Variants in RAD21L1 observed in about 807,000 individuals in gnomAD.
RAD21L1 encodes the protein double-strand-break repair protein rad21-like protein 1.
A neutral mutation model predicts 69.0 loss-of-function variants in RAD21L1; 47 were observed. The ratio of observed to expected loss-of-function variants is 0.68; its 90% CI spans 0.54 to 0.87. RAD21L1 has a LOEUF of 0.87. Among genes scored for constraint, RAD21L1 ranks in the 40% least tolerant of loss-of-function variants. The probability of loss-of-function intolerance (pLI) is 0.00; values close to 1 mark genes in which losing one functional copy is unlikely to be tolerated. For missense variants in RAD21L1, 583 were observed against 647.6 expected (o/e 0.90, Z 1.08); for synonymous variants, 177 against 205.8 (o/e 0.86, Z 1.20).
intron 1 of RAD21L1, among the ~76,000 whole-genome samples, chr20:1,226,584 G>T (rs2087265767): frequency 6.6e-6 from 1 of 151,536 alleles, no homozygotes; most frequent in Non-Finnish European, 1.5e-5. Flanking sequence ...CAGGGTCCCC[G>T]CCCGGTCCCC....
chr20:1,230,809 T>A (rs1009607132), intron 3 of RAD21L1: 3 of 457,212 alleles, frequency 6.6e-6, no homozygotes, highest in African/African-American at 6.3e-5. Flanking sequence ...ATTATTTTTT[T>A]ACATATTCCA....
At chr20:1,248,856 C>CA (rs1373707446) in intron 13 of RAD21L1, among the ~76,000 whole-genome samples, 153 bp downstream of exon 13, 1 of 151,984 alleles carries the variant, frequency 6.6e-6, no homozygotes, top group Non-Finnish European at 1.5e-5. Context: ...GTAGTATACC[C>CA]AGGGCTAAAT....
In RAD21L1 at chr20:1,250,211, T is replaced by A. The variant is rs184618528; in HGVS notation, c.1479+1508T>A. On this transcript the variant is annotated intron_variant, in intron 13 of 13. Coordinates refer to ENST00000683101, the MANE Select transcript of RAD21L1 (RefSeq NM_001384355.1). ...CATCCTTTTTTATGGCTGCATAGTA[T>A]TCCATGGTGTATATGTGCCACATTT... is the stretch of plus-strand genomic sequence containing the variant. Among the ~76,000 whole-genome samples, 105 of 151,984 alleles carry A rather than the reference T, an allele frequency of 6.9e-4. 1 individual carries two copies. Among genetic ancestry groups the A allele is most frequent in the South Asian group, 2.5e-3 (12 of 4,798 alleles).
At chr20:1,240,188 T>TAAGAATTCAGATGTTCC in intron 7 of RAD21L1, 133 bp from the exon 8 acceptor site, 1 of 1,375,894 alleles carries the variant, frequency 7.3e-7, no homozygotes, top group Non-Finnish European at 9.4e-7. Flanking sequence ...TAAATGGTTC[T>TAAGAATTCAGATGTTCC]AAGAATTCAG....
chr20:1,241,288 A>G (rs2122834873), intron 8 of RAD21L1, among the ~76,000 whole-genome samples: 1 of 152,382 alleles, frequency 6.6e-6, no homozygotes, highest in Middle Eastern at 3.4e-3. Flanking sequence ...AATATAAGGC[A>G]GAATAAAAAG....
Position 1,234,144 on chromosome 20 carries a change from T to C in RAD21L1, c.428T>C (p.Leu143Pro), listed in dbSNP as rs1399182506. The C allele has an allele frequency of 3.2e-6, 5 of 1,545,654 alleles. No homozygotes were observed. The East Asian group carries it at 1.2e-4, about 38-fold the overall frequency. Residue 143 changes from leucine (L) to proline (P), a missense_variant, in exon 5 of 14, where the codon CTT (leucine) becomes CCT (proline). By Grantham distance (98) the Leu-to-Pro change is moderately conservative. Transcript: ENST00000683101. ...QNQSRPEEIT[L>P]RENFDNDLIF... is the part of the protein sequence containing the mutation. The stretch of plus-strand genomic sequence containing the variant: ...CAAAGCAGACCAGAAGAAATCACTC[T>C]TAGAGAAAATTTTGACAATGATCTA...
At chr20:1,251,060 T>C (rs1357607129) in intron 13 of RAD21L1, among the ~76,000 whole-genome samples, 1 of 152,192 alleles carries the variant, frequency 6.6e-6, no homozygotes, top group Non-Finnish European at 1.5e-5. Flanking sequence ...AATTTTTTAG[T>C]GGTTAACATC....
chr20:1,239,147 T>A (rs1239728272), intron 6 of RAD21L1, among the ~76,000 whole-genome samples, 165 bp from the exon 7 acceptor site: 1 of 152,162 alleles, frequency 6.6e-6, no homozygotes. Context: ...TTTTAAAGAT[T>A]ATTTATTGGC....
At position 1,242,476 on chromosome 20, in the gene RAD21L1, G is replaced by T. The variant is rs911860868; in HGVS notation, c.857-143G>T. ...TTGAACTCCTGGGCCCAAGCAATCC[G>T]CCCACCTCAGCCTCTTGAAGTGCTA... On this transcript the variant is annotated intron_variant, in intron 8 of 13. Coordinates refer to ENST00000683101, the MANE Select transcript of RAD21L1 (RefSeq NM_001384355.1). 26 of 650,378 alleles carry T rather than the reference G, an allele frequency of 4.0e-5. No homozygotes were observed. In the Admixed American group the frequency reaches 5.8e-4, roughly 15 times the overall value. The allele number at this position is 650,378 out of a possible 1,614,324, so 40.3% of individuals were successfully genotyped here. A position where few individuals can be genotyped will look rare whatever the true frequency, so the allele number is the denominator to read the frequency against.
chr20:1,248,526 A>G, intron 12 of RAD21L1, 100 bp from the exon 13 acceptor site: 1 of 598,556 alleles, frequency 1.7e-6, no homozygotes, highest in Middle Eastern at 4.4e-4. Flanking sequence ...GACCCATTGT[A>G]ATAATTGTGT....
chr20:1,234,067 CCTT>C lies in RAD21L1; in HGVS notation c.369-15_369-13del. ...TTTTCTGTTCTCATGTTTTTCTCAACCTTCTATTTCTCCATAGTGCTATTGATG... is the reference window on the plus strand; with the variant it reads ...TTTTCTGTTCTCATGTTTTTCTCAACCTATTTCTCCATAGTGCTATTGATG... On this transcript the variant is annotated splice_polypyrimidine_tract_variant and intron_variant, in intron 4 of 13. Transcript: ENST00000683101. 1 of 1,205,534 alleles carries C rather than the reference CCTT, an allele frequency of 8.3e-7. No individual in the cohort carries two copies. Among genetic ancestry groups the C allele is most frequent in the South Asian group, 1.4e-5 (1 of 70,674 alleles). The allele number at this position is 1,205,534 out of a possible 1,614,324, so 74.7% of individuals were successfully genotyped here. A position where few individuals can be genotyped will look rare whatever the true frequency, so the allele number is the denominator to read the frequency against.
At position 1,242,656 on chromosome 20, in the gene RAD21L1, G is replaced by T. The variant is rs1013267975; in HGVS notation, c.894G>T (p.Leu298Phe). ...AAAGGAAAGGCAAAAAGAGGAGATT[G>T]CTCATAGATCCTATCAAGGAGCTCA... ...AEKRKGKKRR[L>F]LIDPIKELSS... Residue 298 changes from leucine to phenylalanine, a missense_variant, in exon 9 of 14, where the codon TTG becomes TTT. Leu to Phe is a conservative substitution (Grantham distance 22). Coordinates refer to ENST00000683101, the MANE Select transcript of RAD21L1 (RefSeq NM_001384355.1). 3 of 1,551,402 alleles carry T rather than the reference G, an allele frequency of 1.9e-6. No individual in the cohort carries two copies. Among genetic ancestry groups the T allele is most frequent in the African/African-American group, 2.7e-5 (2 of 73,036 alleles).
intron 6 of RAD21L1, among the ~76,000 whole-genome samples, chr20:1,238,483 G>A (rs1370531750): frequency 3.3e-5 from 5 of 152,036 alleles, no homozygotes; most frequent in Non-Finnish European, 7.4e-5. Flanking sequence ...ATTTTTGGAG[G>A]GGAGAGAGTG....
At chr20:1,236,611 C>T (rs1200594763) in intron 5 of RAD21L1, among the ~76,000 whole-genome samples, 1 of 152,184 alleles carries the variant, frequency 6.6e-6, no homozygotes, top group Non-Finnish European at 1.5e-5. Flanking sequence ...TCCTGTGTGA[C>T]ACTGGGCAGA....
rs1253992091 is a variant in RAD21L1 at position 1,243,147 on chromosome 20, G to T, written c.1134G>T (p.Met378Ile). 3 of 1,539,542 alleles carry T rather than the reference G, an allele frequency of 1.9e-6. No individual in the cohort carries two copies. Among genetic ancestry groups the T allele is most frequent in the African/African-American group, 1.4e-5 (1 of 72,732 alleles). Residue 378 changes from methionine to isoleucine, a missense_variant, in exon 10 of 14, where the codon ATG (methionine) becomes ATT (isoleucine). Met to Ile is a conservative substitution (Grantham distance 10). Transcript: ENST00000683101. ...LSSGFKLGRKMIQKESVREEV... is the reference protein window; with the variant it reads ...LSSGFKLGRKIIQKESVREEV... The stretch of plus-strand genomic sequence containing the variant: ...CTGGCTTTAAACTTGGAAGAAAAAT[G>T]ATACAGAAGGAGTCAGTAAGGGAAG...
intron 5 of RAD21L1, among the ~76,000 whole-genome samples, chr20:1,235,683 T>C (rs1471110667): frequency 6.6e-6 from 1 of 152,102 alleles, no homozygotes; most frequent in African/African-American, 2.4e-5. Context: ...TGCAACACAT[T>C]GGCAAAGAGG....
At position 1,254,271 on chromosome 20, in the gene RAD21L1, A is replaced by G. The variant is rs1299060733; in HGVS notation, c.1482A>G (p.Glu494=). 6.7e-7 allele frequency: 1 copy of G among 1,489,800 alleles called. No individual in the cohort carries two copies. Among genetic ancestry groups the G allele is most frequent in the Non-Finnish European group, 9.0e-7 (1 of 1,111,564 alleles). 92.3% of individuals were successfully genotyped at this position (1,489,800 alleles called of 1,614,324 possible). The change falls in exon 14 of 14, where the codon GAA becomes GAG. Residue 494 remains glutamate (E), a splice_region_variant and synonymous_variant. Coordinates refer to ENST00000683101, the MANE Select transcript of RAD21L1 (RefSeq NM_001384355.1). ...TTCTTTTCTAATTATTTTCCCAGGA[A>G]TCTAACAAGATGGGAATGCAGTCCT... ...RILQMLNRLR[E]SNKMGMQSFS... is the part of the protein sequence containing the mutation.
chr20:1,241,581 C>T (rs546614989), intron 8 of RAD21L1, among the ~76,000 whole-genome samples: 2 of 152,236 alleles, frequency 1.3e-5, no homozygotes, highest in East Asian at 3.9e-4. Flanking sequence ...TGTAGCTTCC[C>T]TGTCTTATTT....
rs1488877707 is a variant in RAD21L1, at chr20:1,254,490, C to G, written c.*33C>G. 7.1e-7 allele frequency: 1 copy of G among 1,405,064 alleles called. No individual in the cohort carries two copies. Among genetic ancestry groups the G allele is most frequent in the South Asian group, 1.5e-5 (1 of 67,870 alleles). The allele number at this position is 1,405,064 out of a possible 1,614,324, so 87.0% of individuals were successfully genotyped here. ...CCAGACATACAGATTTATGGCATCA[C>G]TGGAATTTCTGTGTAGATTGTTCAA... On this transcript the variant is annotated 3_prime_UTR_variant, in exon 14 of 14. Coordinates refer to ENST00000683101, the MANE Select transcript of RAD21L1 (RefSeq NM_001384355.1).
Sources: gnomAD v4.1 joint callset for allele counts (sites outside exome capture counted in the v4.1 genomes callset) on GRCh38, gnomAD v4.1.1 for gene constraint, MANE v1.5 for transcripts, NCBI Gene and HGNC (gene_info 2026-07-23, HGNC 2026-07-21) for gene names.